Variants in GRM8 observed in about 807,000 individuals in gnomAD.
GRM8 encodes the protein metabotropic glutamate receptor 8.
GRM8 carries 47 observed loss-of-function variants against 87.2 expected under a neutral mutation model. That is an observed-to-expected ratio of 0.54 (90% CI 0.43 to 0.69). The LOEUF (loss-of-function observed/expected upper bound fraction) is 0.69, where lower values mean the gene tolerates loss of function less well. Among genes scored for constraint, GRM8 ranks in the 30% least tolerant of loss-of-function variants. The pLI, the probability that GRM8 is intolerant of heterozygous loss-of-function variation, is 0.00. For synonymous variants in GRM8, 396 were observed against 404.5 expected, an observed-to-expected ratio of 0.98 and a Z score of 0.25; for missense variants, 1,019 against 1,139.2, an observed-to-expected ratio of 0.89 and a Z score of 1.52.
chr7:127,045,568 C>G (rs113780327), intron 3 of GRM8, among the ~76,000 whole-genome samples: 1,694 of 152,200 alleles, frequency 0.011, 30 homozygotes, highest in African/African-American at 0.038. Flanking sequence ...CATTTGGTCT[C>G]TAATCCATCT....
At chr7:126,576,775 T>C (rs1795152204) in intron 8 of GRM8, among the ~76,000 whole-genome samples, 1 of 152,176 alleles carries the variant, frequency 6.6e-6, no homozygotes, top group African/African-American at 2.4e-5. Flanking sequence ...GTTTTATTCC[T>C]CAAAATGTCA....
At chr7:126,709,674 A>C (rs1365242714) in intron 7 of GRM8, among the ~76,000 whole-genome samples, 1 of 152,180 alleles carries the variant, frequency 6.6e-6, no homozygotes, top group Non-Finnish European at 1.5e-5. Flanking sequence ...CTTTGGGTAT[A>C]TATCTAAAAA....
chr7:126,843,474 G>A (rs735699), intron 6 of GRM8, among the ~76,000 whole-genome samples: 32,698 of 152,094 alleles, frequency 0.21, 3,958 homozygotes, highest in East Asian at 0.5. Context: ...AACCATTGAC[G>A]AAGCTTCTTA....
chr7:126,993,427 G>A (rs1812868169), intron 3 of GRM8, among the ~76,000 whole-genome samples: 1 of 151,908 alleles, frequency 6.6e-6, no homozygotes, highest in Non-Finnish European at 1.5e-5. Flanking sequence ...GGAGCAAGAT[G>A]GCCAAATAAA....
At chr7:127,235,647 G>A (rs17866959) in intron 2 of GRM8, among the ~76,000 whole-genome samples, 1,928 of 152,272 alleles carry the variant, frequency 0.013, 45 homozygotes, top group African/African-American at 0.045. Context: ...AAAAAATAAA[G>A]TCCTGCAGTT....
chr7:126,567,350 T>C (rs1025749031), intron 8 of GRM8, among the ~76,000 whole-genome samples: 3 of 148,422 alleles, frequency 2.0e-5, no homozygotes, highest in Non-Finnish European at 4.4e-5. Flanking sequence ...TAGGTGGGAA[T>C]TGAACAATGA....
chr7:127,001,871 A>G (rs976469681), intron 3 of GRM8, among the ~76,000 whole-genome samples: 3 of 151,582 alleles, frequency 2.0e-5, no homozygotes, highest in African/African-American at 7.3e-5. Context: ...AGAATAGAGT[A>G]TTGTTATTAT....
At chr7:127,034,053 G>A (rs1356346026) in intron 3 of GRM8, among the ~76,000 whole-genome samples, 1 of 152,138 alleles carries the variant, frequency 6.6e-6, no homozygotes, top group African/African-American at 2.4e-5. Context: ...TCTTTATCCT[G>A]TTTATCAAAT....
chr7:126,556,846 G>T (rs987237364), intron 8 of GRM8, among the ~76,000 whole-genome samples: 1 of 152,020 alleles, frequency 6.6e-6, no homozygotes, highest in Non-Finnish European at 1.5e-5. Context: ...CTATTCCATT[G>T]TCTTTAGTTT....
chr7:126,513,571 C>T (rs899327963), intron 9 of GRM8, among the ~76,000 whole-genome samples: 1 of 152,168 alleles, frequency 6.6e-6, no homozygotes, highest in Non-Finnish European at 1.5e-5. Context: ...ACCATCAGCA[C>T]AATGTCAGCT....
rs1201536606 is a variant in GRM8, at chr7:127,060,198, A to G, written c.727+46298T>C. Among the ~76,000 whole-genome samples, 10 of 152,354 alleles carry G rather than the reference A, an allele frequency of 6.6e-5. No individual in the cohort carries two copies. In the East Asian group the frequency reaches 1.9e-3, roughly 29 times the overall value. Reference sequence around the variant, plus strand: ...ACAAGTTTCTAAAATGTCACTTTTAAGCTAGACAAACACATATCTTTTTAG... The same window carrying G: ...ACAAGTTTCTAAAATGTCACTTTTAGGCTAGACAAACACATATCTTTTTAG... On this transcript the variant is annotated intron_variant, in intron 3 of 10. Transcript: ENST00000339582.
chr7:127,141,340 T>C (rs1828245429), intron 2 of GRM8, among the ~76,000 whole-genome samples: 1 of 151,580 alleles, frequency 6.6e-6, no homozygotes, highest in African/African-American at 2.4e-5. Context: ...CCTGAGTAGA[T>C]GCTAGAATTC....
Position 126,866,067 on chromosome 7 carries a change from T to C in GRM8, c.1156+36475A>G, listed in dbSNP as rs548582562. 4.7e-4 allele frequency among the ~76,000 whole-genome samples: 71 copies of C among 152,356 alleles called. 1 individual carries two copies. The highest frequency in any genetic ancestry group is 2.8e-4 in the Non-Finnish European group (19 of 68,040). On this transcript the variant is annotated intron_variant, in intron 6 of 10. Transcript: ENST00000339582. ...CCAGCAACGTAGGACATTTCCAATT[T>C]TTCCACATCCTTGCCAAAACTCGTT...
At chr7:126,845,471 T>C (rs1345138095) in intron 6 of GRM8, among the ~76,000 whole-genome samples, 1 of 152,190 alleles carries the variant, frequency 6.6e-6, no homozygotes, top group Non-Finnish European at 1.5e-5. Context: ...AAATAAAGGA[T>C]ACTTATCAGC....
At chr7:126,717,747 T>C (rs1811910998) in intron 7 of GRM8, among the ~76,000 whole-genome samples, 1 of 152,168 alleles carries the variant, frequency 6.6e-6, no homozygotes, top group Non-Finnish European at 1.5e-5. Flanking sequence ...CTCAAAATTA[T>C]AACAGGACTT....
chr7:127,203,269 G>A lies in GRM8; in HGVS notation c.510+39426C>T, dbSNP rs575201846. On this transcript the variant is annotated intron_variant, in intron 2 of 10. Coordinates refer to ENST00000339582, the MANE Select transcript of GRM8 (RefSeq NM_000845.3). ...GGATGTAAAAATGGAAACAGAGACT[G>A]GGGGTTATAAGGGGTGCAGGCATAG... 2.0e-5 allele frequency among the ~76,000 whole-genome samples: 3 copies of A among 152,314 alleles called. No individual in the cohort carries two copies. In the South Asian group the frequency reaches 6.2e-4, roughly 32 times the overall value.
intron 3 of GRM8, among the ~76,000 whole-genome samples, chr7:127,032,229 C>A (rs1817447400): frequency 6.6e-6 from 1 of 152,154 alleles, no homozygotes; most frequent in African/African-American, 2.4e-5. Context: ...AGTGACACCA[C>A]TGTGCTCATC....
At chr7:126,711,855 T>G (rs1261245370) in intron 7 of GRM8, among the ~76,000 whole-genome samples, 1 of 152,226 alleles carries the variant, frequency 6.6e-6, no homozygotes, top group Non-Finnish European at 1.5e-5. Context: ...CTATCAGCCT[T>G]CATAGAATTG....
rs562193041 is a variant in GRM8, at chr7:126,893,071, T to C, written c.1156+9471A>G. ...TTAAATGACATTTTCCATTATGTAC[T>C]CCAAGTTGTCTTTTCATTATTCTGT... is the stretch of plus-strand genomic sequence containing the variant. On this transcript the variant is annotated intron_variant, in intron 6 of 10. Transcript: ENST00000339582. 3.3e-5 allele frequency among the ~76,000 whole-genome samples: 5 copies of C among 152,206 alleles called. No individual in the cohort carries two copies. The South Asian group carries it at 1.0e-3, about 31-fold the overall frequency.
Sources: gnomAD v4.1 joint callset for allele counts (sites outside exome capture counted in the v4.1 genomes callset) on GRCh38, gnomAD v4.1.1 for gene constraint, MANE v1.5 for transcripts, NCBI Gene and HGNC (gene_info 2026-07-23, HGNC 2026-07-21) for gene names.